The following RPS6KC1 variants were observed in gnomAD, a reference collection of about 807,000 sequenced individuals.
RPS6KC1 encodes the protein inactive ribosomal protein S6 kinase delta-1.
Under a neutral mutation model 103.8 loss-of-function variants are expected in RPS6KC1, and 54 were observed. The observed-to-expected ratio is 0.52, with a 90% CI of 0.42 to 0.65. The LOEUF (loss-of-function observed/expected upper bound fraction) is 0.65. Among genes scored for constraint, RPS6KC1 ranks in the 30% least tolerant of loss-of-function variants. The pLI is 0.00. For synonymous variants in RPS6KC1, 439 were observed against 438.7 expected, an observed-to-expected ratio of 1.00 and a Z score of -0.01; for missense variants, 1,151 against 1,253.8, an observed-to-expected ratio of 0.92 and a Z score of 1.24.
intron 8 of RPS6KC1, among the ~76,000 whole-genome samples, chr1:213,189,772 T>A (rs1046893304): frequency 6.6e-6 from 1 of 152,176 alleles, no homozygotes; most frequent in African/African-American, 2.4e-5. Context: ...GTACCCATTG[T>A]CCCTTCCCAC....
the RPS6KC1 span, among the ~76,000 whole-genome samples, chr1:213,561,285 T>C: frequency 5.9e-5 from 9 of 152,204 alleles, no homozygotes; most frequent in Non-Finnish European, 1.2e-4. Context: ...TGTAAATCTA[T>C]TTATGTGCTG....
At chr1:213,188,045 A>C (rs1422632277) in intron 8 of RPS6KC1, among the ~76,000 whole-genome samples, 1 of 152,110 alleles carries the variant, frequency 6.6e-6, no homozygotes, top group East Asian at 1.9e-4. Context: ...CCAGGAGTCC[A>C]TACCTCTTCT....
At chr1:213,729,531 TG>T in the RPS6KC1 span, among the ~76,000 whole-genome samples, 1 of 152,162 alleles carries the variant, frequency 6.6e-6, no homozygotes, top group Non-Finnish European at 1.5e-5. Context: ...GTCATGTTTT[TG>T]TTACCATTAA....
At chr1:213,368,102 G>A in the RPS6KC1 span, among the ~76,000 whole-genome samples, 1 of 152,216 alleles carries the variant, frequency 6.6e-6, no homozygotes, top group Non-Finnish European at 1.5e-5. Flanking sequence ...TTGTGGCATA[G>A]GCCGCTAGTG....
At chr1:213,666,748 C>T in the RPS6KC1 span, among the ~76,000 whole-genome samples, 1 of 152,176 alleles carries the variant, frequency 6.6e-6, no homozygotes, top group African/African-American at 2.4e-5. Context: ...AACAAGCCTG[C>T]TCTTACGGCA....
intron 7 of RPS6KC1, among the ~76,000 whole-genome samples, chr1:213,169,635 G>A (rs534018785): frequency 1.3e-4 from 19 of 151,776 alleles, no homozygotes; most frequent in East Asian, 5.8e-4. Flanking sequence ...AACCTTCCTC[G>A]TGTGCAGTAC....
At chr1:213,654,373 G>A in the RPS6KC1 span, among the ~76,000 whole-genome samples, 1 of 152,206 alleles carries the variant, frequency 6.6e-6, no homozygotes, top group Non-Finnish European at 1.5e-5. Flanking sequence ...AAGGGGAAAT[G>A]TAGGTCAGAA....
chr1:213,363,591 G>A, the RPS6KC1 span, among the ~76,000 whole-genome samples: 6,414 of 126,712 alleles, frequency 0.051, 708 homozygotes, highest in African/African-American at 0.069. Context: ...CTATTCTTTA[G>A]CCCTTGCTCG....
At chr1:213,052,662 T>C (rs2148240651) in intron 1 of RPS6KC1, among the ~76,000 whole-genome samples, 1 of 152,218 alleles carries the variant, frequency 6.6e-6, no homozygotes, top group African/African-American at 2.4e-5. Flanking sequence ...TACCTCAGCC[T>C]CCCGAGTAGC....
At chr1:213,397,201 C>A in the RPS6KC1 span, among the ~76,000 whole-genome samples, 2 of 152,138 alleles carry the variant, frequency 1.3e-5, no homozygotes, top group African/African-American at 4.8e-5. Context: ...CACGTGGAAG[C>A]CCATTGCTCA....
At chr1:213,151,284 T>G (rs1454903035) in intron 6 of RPS6KC1, among the ~76,000 whole-genome samples, 6 of 97,954 alleles carry the variant, frequency 6.1e-5, no homozygotes, top group Non-Finnish European at 1.0e-4. Flanking sequence ...CACTTCCCAG[T>G]AGGGGCGGCC....
At chr1:213,151,848 T>C (rs1336174824) in intron 6 of RPS6KC1, among the ~76,000 whole-genome samples, 1 of 107,808 alleles carries the variant, frequency 9.3e-6, no homozygotes, top group Non-Finnish European at 1.9e-5. Context: ...CCCACCTCCC[T>C]CCCGGACGGG....
At chr1:213,087,214 A>C (rs2080477985) in intron 3 of RPS6KC1, among the ~76,000 whole-genome samples, 1 of 152,098 alleles carries the variant, frequency 6.6e-6, no homozygotes, top group Non-Finnish European at 1.5e-5. Flanking sequence ...ACTTCATGTG[A>C]GTTTTCACTA....
the RPS6KC1 span, among the ~76,000 whole-genome samples, chr1:213,490,354 G>A: frequency 1.2e-4 from 19 of 152,308 alleles, no homozygotes; most frequent in East Asian, 3.7e-3. Flanking sequence ...GAGCTGAGGT[G>A]GGCTCTCAGA....
At chr1:213,743,980 A>T in the RPS6KC1 span, among the ~76,000 whole-genome samples, 1 of 152,322 alleles carries the variant, frequency 6.6e-6, no homozygotes, top group East Asian at 1.9e-4. Flanking sequence ...CATTCACTGC[A>T]ATCTGGATGG....
the RPS6KC1 span, among the ~76,000 whole-genome samples, chr1:213,808,899 G>C: frequency 1.3e-5 from 2 of 152,204 alleles, no homozygotes; most frequent in Non-Finnish European, 2.9e-5. Flanking sequence ...ATAGACCGGA[G>C]CTGTTCCTAT....
chr1:213,346,418 G>A, the RPS6KC1 span, among the ~76,000 whole-genome samples: 1 of 152,240 alleles, frequency 6.6e-6, no homozygotes, highest in African/African-American at 2.4e-5. Context: ...AGTAGTATTA[G>A]GGAGTTAAAT....
chr1:213,562,918 C>T, the RPS6KC1 span, among the ~76,000 whole-genome samples: 3 of 152,302 alleles, frequency 2.0e-5, no homozygotes, highest in South Asian at 2.1e-4. Context: ...CTTGCCTTGG[C>T]CTCCCAAAGT....
the RPS6KC1 span, among the ~76,000 whole-genome samples, chr1:213,287,404 C>T: frequency 4.6e-5 from 7 of 152,116 alleles, no homozygotes; most frequent in Non-Finnish European, 1.0e-4. Context: ...GACCACTCTT[C>T]CTCAAGGCAT....
Sources: gnomAD v4.1 joint callset for allele counts (sites outside exome capture counted in the v4.1 genomes callset) on GRCh38, gnomAD v4.1.1 for gene constraint, MANE v1.5 for transcripts, NCBI Gene and HGNC (gene_info 2026-07-23, HGNC 2026-07-21) for gene names.